Variants in NCOR1 observed in about 807,000 individuals in gnomAD.
NCOR1 encodes the protein nuclear receptor corepressor 1, also known as protein phosphatase 1, regulatory subunit 109.
Under a neutral mutation model 288.1 loss-of-function variants are expected in NCOR1, and 63 were observed. The observed-to-expected ratio is 0.22, with a 90% CI of 0.18 to 0.27. The LOEUF is 0.27. Among genes scored for constraint, NCOR1 ranks in the 10% least tolerant of loss-of-function variants. The pLI is 1.00. For synonymous variants in NCOR1, 1,007 were observed against 1,065.9 expected, an observed-to-expected ratio of 0.94 and a Z score of 1.08; for missense variants, 2,397 against 3,019.2, an observed-to-expected ratio of 0.79 and a Z score of 4.83.
At chr17:16,070,627 ATC>A in intron 30 of NCOR1, 102 bp from the exon 31 acceptor site, 2 of 1,468,006 alleles carry the variant, frequency 1.4e-6, no homozygotes, top group South Asian at 2.7e-5. Flanking sequence ...CACTGTGGTG[ATC>A]TTTTTTGGTC....
Position 16,031,083 on chromosome 17 carries a change from C to G in NCOR1, c.*1213G>C. On this transcript the variant is annotated 3_prime_UTR_variant, in exon 46 of 46. Transcript: ENST00000268712. Reference sequence around the variant, plus strand: ...ATTCTTAATGAAAGATAAAACTGGCCCTCTAGTACCATAATTAGTTTAGAA... The same window carrying G: ...ATTCTTAATGAAAGATAAAACTGGCGCTCTAGTACCATAATTAGTTTAGAA... 1 of 191,646 alleles carries G rather than the reference C, an allele frequency of 5.2e-6. No homozygotes were observed. The highest frequency in any genetic ancestry group is 8.3e-5 in the East Asian group (1 of 12,090). 11.9% of individuals were successfully genotyped at this position (191,646 alleles called of 1,614,324 possible).
intron 12 of NCOR1, 59 bp from the exon 13 acceptor site, chr17:16,138,271 A>G: frequency 1.4e-6 from 2 of 1,436,478 alleles, no homozygotes; most frequent in South Asian, 1.2e-5. Flanking sequence ...AACTAAAAAA[A>G]AAAAAACTTG....
chr17:16,046,802 G>T, intron 42 of NCOR1, 149 bp downstream of exon 42: 1 of 876,612 alleles, frequency 1.1e-6, no homozygotes, highest in Non-Finnish European at 1.7e-6. Context: ...TGGGCTGGCA[G>T]ACACTTGAGA....
At chr17:16,205,670 G>C (rs1355591749) in intron 1 of NCOR1, among the ~76,000 whole-genome samples, 3 of 140,516 alleles carry the variant, frequency 2.1e-5, no homozygotes, top group Admixed American at 7.2e-5. Context: ...GGGCGCAGTG[G>C]CTCATGCCTG....
chr17:16,094,799 G>A (rs919189365), intron 21 of NCOR1, among the ~76,000 whole-genome samples: 5 of 152,174 alleles, frequency 3.3e-5, no homozygotes, highest in East Asian at 1.9e-4. Flanking sequence ...GCTCCTAACC[G>A]CGAGTGATCC....
intron 3 of NCOR1, 146 bp from the exon 4 acceptor site, chr17:16,172,141 C>T (rs2083248742): frequency 3.4e-6 from 2 of 582,198 alleles, no homozygotes; most frequent in Admixed American, 7.2e-5. Flanking sequence ...GTTCCCACCC[C>T]CAAAGAATAT....
chr17:16,077,217 C>T (rs1039860907), intron 26 of NCOR1, among the ~76,000 whole-genome samples: 10 of 151,458 alleles, frequency 6.6e-5, no homozygotes, highest in South Asian at 2.1e-4. Flanking sequence ...GCCAACATGG[C>T]GAAACCCCAT....
chr17:16,093,173 T>A (rs1310253478), intron 21 of NCOR1, among the ~76,000 whole-genome samples: 1 of 152,132 alleles, frequency 6.6e-6, no homozygotes, highest in Non-Finnish European at 1.5e-5. Flanking sequence ...AAAGGGAACT[T>A]CCCATTTTTG....
At chr17:16,086,775 A>C (rs1347125133) in intron 22 of NCOR1, among the ~76,000 whole-genome samples, 1 of 152,214 alleles carries the variant, frequency 6.6e-6, no homozygotes, top group Non-Finnish European at 1.5e-5. Flanking sequence ...TCTTAAAAAC[A>C]GCTGATAACA....
chr17:16,127,326 T>C (rs964594912), intron 14 of NCOR1, among the ~76,000 whole-genome samples: 1 of 125,856 alleles, frequency 7.9e-6, no homozygotes, highest in East Asian at 2.0e-4. Context: ...TGTATATATG[T>C]ATGTATATAT....
chr17:16,137,301 G>T lies in NCOR1; in HGVS notation c.1509+10C>A. 6.4e-7 allele frequency: 1 copy of T among 1,569,794 alleles called. No individual in the cohort carries two copies. The highest frequency in any genetic ancestry group is 8.7e-7 in the Non-Finnish European group (1 of 1,148,134). ...CCTGAAATATCTTCCATACAAGTAA[G>T]AAAACACACCTGGTTTCTGCCTCTG... On this transcript the variant is annotated intron_variant, in intron 14 of 45. Transcript: ENST00000268712.
At chr17:16,154,567 G>A (rs1201390702) in intron 6 of NCOR1, among the ~76,000 whole-genome samples, 2 of 152,172 alleles carry the variant, frequency 1.3e-5, no homozygotes, top group East Asian at 1.9e-4. Context: ...GCAACATAGC[G>A]GGGTAAAGAT....
At chr17:16,203,173 CA>C (rs1177581721) in intron 1 of NCOR1, among the ~76,000 whole-genome samples, 2 of 152,164 alleles carry the variant, frequency 1.3e-5, no homozygotes, top group Non-Finnish European at 2.9e-5. Context: ...TTTCTCAACT[CA>C]AAAAGCCAAG....
At chr17:16,054,464 G>A (rs2059688841) in intron 40 of NCOR1, among the ~76,000 whole-genome samples, 1 of 152,198 alleles carries the variant, frequency 6.6e-6, no homozygotes, top group African/African-American at 2.4e-5. Context: ...GAGCCTGGGA[G>A]GGTTGAGGCT....
chr17:16,057,142 C>G (rs2060027976), intron 40 of NCOR1: 1 of 202,976 alleles, frequency 4.9e-6, no homozygotes, highest in Non-Finnish European at 1.0e-5. Context: ...CCAATATCAC[C>G]TTCTTAAACT....
chr17:16,151,707 A>G (rs2078893254), intron 8 of NCOR1: 1 of 1,195,578 alleles, frequency 8.4e-7, no homozygotes, highest in East Asian at 2.9e-5. Flanking sequence ...CTAGCAGATT[A>G]TAAAACCAGC....
intron 5 of NCOR1, among the ~76,000 whole-genome samples, chr17:16,160,332 T>C (rs911363880): frequency 4.6e-5 from 7 of 152,188 alleles, no homozygotes; most frequent in African/African-American, 1.7e-4. Context: ...CTGCTTTTTT[T>C]CAACACCTAA....
At chr17:16,125,701 C>CAAAAAAA (rs71353771) in intron 15 of NCOR1, among the ~76,000 whole-genome samples, 4 of 82,298 alleles carry the variant, frequency 4.9e-5, no homozygotes, top group Non-Finnish European at 9.4e-5. Flanking sequence ...GACGCCATCA[C>CAAAAAAA]AAAAAAAAAA....
chr17:16,136,722 G>C (rs1039991031), intron 14 of NCOR1, among the ~76,000 whole-genome samples: 1 of 148,924 alleles, frequency 6.7e-6, no homozygotes, highest in Non-Finnish European at 1.5e-5. Context: ...CAGGAGAATC[G>C]ATTGAACCCA....
Sources: allele counts gnomAD v4.1 joint callset (sites outside exome capture counted in the v4.1 genomes callset), GRCh38; gene constraint gnomAD v4.1.1; transcripts MANE v1.5; gene names NCBI Gene and HGNC (gene_info 2026-07-23, HGNC 2026-07-21).